TCF4: variants seen among roughly 807,000 people sequenced by gnomAD.
TCF4 encodes transcription factor 4.
In TCF4, 3 loss-of-function variants were observed where a neutral mutation model predicts 82.1. The ratio of observed to expected loss-of-function variants is 0.04; its 90% CI spans 0.02 to 0.09. The LOEUF (loss-of-function observed/expected upper bound fraction) is 0.09. Ranked by LOEUF, TCF4 falls within the 10% of genes least tolerant of loss-of-function variation. The pLI is 1.00. For synonymous variants in TCF4, 276 were observed against 309.6 expected (o/e 0.89, Z 1.14); for missense variants, 518 against 852.7 (o/e 0.61, Z 4.89).
At chr18:55,439,705 G>A (rs1232389120) in intron 5 of TCF4, among the ~76,000 whole-genome samples, 1 of 152,042 alleles carries the variant, frequency 6.6e-6, no homozygotes, top group Admixed American at 6.6e-5. Flanking sequence ...GGTTATTCAA[G>A]GCCACTTAAA....
At chr18:55,250,934 A>T (rs1353490313) in intron 15 of TCF4, among the ~76,000 whole-genome samples, 1 of 152,238 alleles carries the variant, frequency 6.6e-6, no homozygotes, top group Non-Finnish European at 1.5e-5. Flanking sequence ...TGAGTGGGGT[A>T]GCAAGGGAAG....
At chr18:55,321,896 CG>C in intron 8 of TCF4, 2 of 1,403,008 alleles carry the variant, frequency 1.4e-6, no homozygotes, top group Non-Finnish European at 1.9e-6. Context: ...TCCTGGCGGG[CG>C]GGGGAGGCCG....
intron 9 of TCF4, among the ~76,000 whole-genome samples, chr18:55,278,496 C>A (rs953244288): frequency 3.3e-5 from 5 of 152,212 alleles, no homozygotes; most frequent in African/African-American, 1.2e-4. Flanking sequence ...GTGGTTCATT[C>A]TTGAAGTAGC....
intron 8 of TCF4, among the ~76,000 whole-genome samples, chr18:55,306,933 C>A (rs1014230426): frequency 1.2e-4 from 18 of 151,992 alleles, no homozygotes; most frequent in African/African-American, 4.1e-4. Context: ...TGGGTGGGGG[C>A]AGGGGGAATA....
chr18:55,422,674 T>C (rs1284544238), intron 5 of TCF4, among the ~76,000 whole-genome samples: 7 of 152,106 alleles, frequency 4.6e-5, no homozygotes, highest in African/African-American at 9.7e-5. Flanking sequence ...CGATTTTCCA[T>C]AATGCAAGCA....
At chr18:55,467,401 G>C (rs2096054940) in intron 3 of TCF4, among the ~76,000 whole-genome samples, 2 of 152,012 alleles carry the variant, frequency 1.3e-5, no homozygotes, top group African/African-American at 4.8e-5. Flanking sequence ...TTTTAAATTG[G>C]CTTATTAGGG....
intron 8 of TCF4, among the ~76,000 whole-genome samples, chr18:55,288,290 T>C (rs879772781): frequency 3.3e-5 from 5 of 152,216 alleles, no homozygotes; most frequent in Non-Finnish European, 7.3e-5. Context: ...GAAGTCATTA[T>C]TTATATCTGT....
intron 6 of TCF4, among the ~76,000 whole-genome samples, chr18:55,366,919 A>G (rs1213907135): frequency 6.6e-6 from 1 of 152,226 alleles, no homozygotes; most frequent in Non-Finnish European, 1.5e-5. Context: ...GTATATAAGC[A>G]TGATCATAAC....
chr18:55,604,658 A>G (rs1247192812), intron 2 of TCF4, among the ~76,000 whole-genome samples: 1 of 152,214 alleles, frequency 6.6e-6, no homozygotes, highest in African/African-American at 2.4e-5. Flanking sequence ...GAAAACCTCC[A>G]CATCTCAAGT....
chr18:55,628,926 AAT>A (rs2097729092), intron 2 of TCF4, among the ~76,000 whole-genome samples: 1 of 152,234 alleles, frequency 6.6e-6, no homozygotes, highest in Non-Finnish European at 1.5e-5. Context: ...CCTCTAGAAA[AAT>A]AGACATAAGT....
At chr18:55,264,540 C>A (rs1241500565) in intron 11 of TCF4, 9 of 151,294 alleles carry the variant, frequency 5.9e-5, no homozygotes, top group Non-Finnish European at 1.5e-5. Context: ...ACAGATATAA[C>A]AAAGGGTATA....
intron 3 of TCF4, among the ~76,000 whole-genome samples, chr18:55,566,340 A>G (rs570957098): frequency 6.6e-6 from 1 of 152,326 alleles, no homozygotes; most frequent in Non-Finnish European, 1.5e-5. Flanking sequence ...TGGCTAAGAA[A>G]TTACTTAATG....
chr18:55,312,647 A>C (rs1447623188), intron 8 of TCF4, among the ~76,000 whole-genome samples: 1 of 152,186 alleles, frequency 6.6e-6, no homozygotes, highest in African/African-American at 2.4e-5. Flanking sequence ...CAAAAGTGAC[A>C]CTGTAAAGTT....
intron 3 of TCF4, among the ~76,000 whole-genome samples, chr18:55,566,538 A>G (rs926594940): frequency 6.6e-6 from 1 of 152,326 alleles, no homozygotes; most frequent in Admixed American, 6.5e-5. Flanking sequence ...ATTAGTAGGC[A>G]TAATTTAGAG....
chr18:55,524,213 G>A (rs751750894), intron 3 of TCF4, among the ~76,000 whole-genome samples: 1 of 151,720 alleles, frequency 6.6e-6, no homozygotes, highest in Non-Finnish European at 1.5e-5. Context: ...ACTAGATCAC[G>A]TCCTGTTGGT....
At chr18:55,316,339 G>C (rs1377497288) in intron 8 of TCF4, among the ~76,000 whole-genome samples, 1 of 152,052 alleles carries the variant, frequency 6.6e-6, no homozygotes, top group East Asian at 1.9e-4. Flanking sequence ...GAGTAAACAA[G>C]AGATTCATTT....
intron 5 of TCF4, among the ~76,000 whole-genome samples, chr18:55,455,856 G>A (rs1013263586): frequency 2.0e-5 from 3 of 152,144 alleles, no homozygotes; most frequent in African/African-American, 7.2e-5. Context: ...TTGTAGTCAT[G>A]CTTTTCCTTT....
chr18:55,487,292 T>A lies in TCF4; in HGVS notation c.146-23155A>T, dbSNP rs531260122. ...ATGCATAATGCCATTGAGGAAACAC[T>A]CACACACAGATATCAATCAATCAAT... On this transcript the variant is annotated intron_variant, in intron 3 of 19. Transcript: ENST00000354452. Among the ~76,000 whole-genome samples the A allele has an allele frequency of 5.3e-5, 8 of 152,320 alleles. No individual in the cohort carries two copies. The South Asian group carries it at 1.5e-3, about 28-fold the overall frequency.
chr18:55,594,368 C>A (rs575122222), intron 2 of TCF4, among the ~76,000 whole-genome samples: 100 of 152,302 alleles, frequency 6.6e-4, no homozygotes, highest in Non-Finnish European at 1.3e-3. Context: ...GACCAGCTCC[C>A]TCATCAGACT....
Sources: gnomAD v4.1 joint callset for allele counts (sites outside exome capture counted in the v4.1 genomes callset) on GRCh38, gnomAD v4.1.1 for gene constraint, MANE v1.5 for transcripts, NCBI Gene and HGNC (gene_info 2026-07-23, HGNC 2026-07-21) for gene names.